Variants in CNNM2 observed in about 807,000 individuals in gnomAD.
The protein encoded by CNNM2 is cyclin and CBS domain divalent metal cation transport mediator 2, also known as metal transporter CNNM2.
CNNM2 carries 12 observed loss-of-function variants against 66.9 expected under a neutral mutation model. The observed-to-expected ratio is 0.18, with a 90% confidence interval of 0.11 to 0.29. The LOEUF is 0.29. Among genes scored for constraint, CNNM2 ranks in the 10% least tolerant of loss-of-function variants. CNNM2 has a pLI of 1.00. For missense variants in CNNM2, 705 were observed against 1,167.7 expected (o/e 0.60, Z 5.77); for synonymous variants, 557 against 501.8 (o/e 1.11, Z -1.47).
chr10:102,971,726 T>C (rs772746362), intron 1 of CNNM2, among the ~76,000 whole-genome samples: 16 of 152,244 alleles, frequency 1.1e-4, no homozygotes, highest in Admixed American at 2.6e-4. Context: ...CATAATCTAC[T>C]TAACTGTTGA....
At chr10:103,064,928 G>C (rs571702223) in intron 4 of CNNM2, among the ~76,000 whole-genome samples, 1 of 152,266 alleles carries the variant, frequency 6.6e-6, no homozygotes, top group South Asian at 2.1e-4. Context: ...CCCTGTATCT[G>C]TCTCTGTAGA....
chr10:103,042,311 T>C (rs577315525), intron 1 of CNNM2, among the ~76,000 whole-genome samples: 14 of 152,312 alleles, frequency 9.2e-5, no homozygotes, highest in African/African-American at 3.4e-4. Flanking sequence ...ACTGGTAACT[T>C]CCTGATTGGG....
intron 1 of CNNM2, among the ~76,000 whole-genome samples, chr10:102,936,697 C>T (rs1424489881): frequency 6.6e-6 from 1 of 152,050 alleles, no homozygotes; most frequent in African/African-American, 2.4e-5. Context: ...CATACATTAA[C>T]CTGCAACAAC....
rs942745603 is a variant in CNNM2, at chr10:103,079,807, G to A, written c.*2627G>A. ...CCTGTCAGGTCCCTGAAGGAATGAAGGCTAACATCTCCTTTGGGGAGAGCT... is the reference window on the plus strand; with the variant it reads ...CCTGTCAGGTCCCTGAAGGAATGAAAGCTAACATCTCCTTTGGGGAGAGCT... On this transcript the variant is annotated 3_prime_UTR_variant, in exon 8 of 8. Transcript: ENST00000369878. The A allele has an allele frequency of 1.2e-4, 18 of 152,138 alleles. No homozygotes were observed. Among genetic ancestry groups the A allele is most frequent in the Non-Finnish European group, 2.5e-4 (17 of 68,046 alleles). The allele number at this position is 152,138 out of a possible 1,614,324, so 9.4% of individuals were successfully genotyped here.
At chr10:102,993,679 TTTG>T (rs1289717711) in intron 1 of CNNM2, among the ~76,000 whole-genome samples, 1 of 152,194 alleles carries the variant, frequency 6.6e-6, no homozygotes, top group Non-Finnish European at 1.5e-5. Flanking sequence ...GGATGTATTC[TTTG>T]TTGTTAATTT....
intron 1 of CNNM2, among the ~76,000 whole-genome samples, chr10:103,034,790 C>A (rs899566872): frequency 6.6e-6 from 1 of 151,914 alleles, no homozygotes; most frequent in African/African-American, 2.4e-5. Flanking sequence ...CAAGGTGAAA[C>A]CCCGTCTCTA....
chr10:103,024,582 G>A (rs1219901715), intron 1 of CNNM2, among the ~76,000 whole-genome samples: 3 of 152,036 alleles, frequency 2.0e-5, no homozygotes, highest in African/African-American at 7.2e-5. Flanking sequence ...GGGTTCAAGC[G>A]ATTCTCCTGC....
chr10:103,068,076 G>T (rs2134359052), intron 4 of CNNM2, among the ~76,000 whole-genome samples: 1 of 152,338 alleles, frequency 6.6e-6, no homozygotes, highest in East Asian at 1.9e-4. Context: ...GACAGCCTAG[G>T]CAGCCATCGC....
rs577738025 is a variant in CNNM2 at position 103,039,204 on chromosome 10, C to T, written c.1622-10503C>T. Among the ~76,000 whole-genome samples the T allele has an allele frequency of 2.4e-3, 370 of 152,002 alleles. 2 individuals are homozygous for T. Among genetic ancestry groups the T allele is most frequent in the African/African-American group, 8.3e-3 (345 of 41,474 alleles). ...CTGTCAGCCAGGCTGGAATGCATGG[C>T]GTGATCTCAGCTCATTGCAGCCTCT... On this transcript the variant is annotated intron_variant, in intron 1 of 7. Coordinates refer to ENST00000369878, the MANE Select transcript of CNNM2 (RefSeq NM_017649.5).
At chr10:102,961,033 A>T (rs1245696712) in intron 1 of CNNM2, among the ~76,000 whole-genome samples, 1 of 151,436 alleles carries the variant, frequency 6.6e-6, no homozygotes, top group Non-Finnish European at 1.5e-5. Flanking sequence ...ACGCACCACC[A>T]CACCTAGCTA....
At position 103,080,313 on chromosome 10, in the gene CNNM2, T is replaced by A. The variant is rs1274498323; in HGVS notation, c.*3133T>A. ...TAGTCCTGGGACACTCTGCCTGCTC[T>A]GTAAATGAGGAGGGCTTTTCTCCTG... On this transcript the variant is annotated 3_prime_UTR_variant, in exon 8 of 8. Transcript: ENST00000369878. 1 of 152,212 alleles carries A rather than the reference T, an allele frequency of 6.6e-6. No individual in the cohort carries two copies. 9.4% of individuals were successfully genotyped at this position (152,212 alleles called of 1,614,324 possible).
chr10:103,072,892 G>A (rs2065616034), intron 6 of CNNM2, among the ~76,000 whole-genome samples: 1 of 152,212 alleles, frequency 6.6e-6, no homozygotes, highest in South Asian at 2.1e-4. Flanking sequence ...GCGGACTAGG[G>A]CCGCCCCAGA....
At chr10:103,043,975 A>C (rs2065086104) in intron 1 of CNNM2, among the ~76,000 whole-genome samples, 1 of 152,242 alleles carries the variant, frequency 6.6e-6, no homozygotes, top group Non-Finnish European at 1.5e-5. Flanking sequence ...TACAGCTTGC[A>C]AGAAAGGGCG....
intron 1 of CNNM2, among the ~76,000 whole-genome samples, chr10:102,983,526 C>T (rs1190209491): frequency 6.6e-6 from 1 of 151,746 alleles, no homozygotes; most frequent in East Asian, 1.9e-4. Flanking sequence ...GCAGCCTTGA[C>T]CTCCCAGGCT....
chr10:102,931,795 A>G (rs937547926), intron 1 of CNNM2, among the ~76,000 whole-genome samples: 14 of 151,934 alleles, frequency 9.2e-5, no homozygotes, highest in Admixed American at 2.6e-4. Flanking sequence ...CCCATGAATA[A>G]TGTATGAAGG....
intron 6 of CNNM2, 23 bp from the exon 7 acceptor site, chr10:103,076,063 T>TG: frequency 6.3e-7 from 1 of 1,596,564 alleles, no homozygotes; most frequent in African/African-American, 1.3e-5. Flanking sequence ...CTTAAACAGT[T>TG]GGATTTTTCC....
intron 1 of CNNM2, among the ~76,000 whole-genome samples, chr10:102,983,236 TAAG>T (rs2063743804): frequency 6.6e-6 from 1 of 150,934 alleles, no homozygotes; most frequent in African/African-American, 2.4e-5. Flanking sequence ...TTTTGATAAT[TAAG>T]GAGTAAAATA....
chr10:103,064,851 C>A (rs1374353576), intron 4 of CNNM2, among the ~76,000 whole-genome samples: 2 of 151,998 alleles, frequency 1.3e-5, no homozygotes, highest in African/African-American at 2.4e-5. Context: ...CAGAGTAAGA[C>A]CCTGTCTGAA....
intron 1 of CNNM2, among the ~76,000 whole-genome samples, chr10:103,042,351 A>G (rs574891923): frequency 2.6e-5 from 4 of 152,220 alleles, no homozygotes; most frequent in Admixed American, 6.5e-5. Flanking sequence ...TCCCAGGGCT[A>G]TTCTCCTCCC....
Sources: allele counts gnomAD v4.1 joint callset (sites outside exome capture counted in the v4.1 genomes callset), GRCh38; gene constraint gnomAD v4.1.1; transcripts MANE v1.5; gene names NCBI Gene and HGNC (gene_info 2026-07-23, HGNC 2026-07-21).